RAD51B: variants seen among roughly 807,000 people sequenced by gnomAD.
The protein encoded by RAD51B is RAD51 paralog B.
Under a neutral mutation model 42.2 loss-of-function variants are expected in RAD51B, and 38 were observed. The observed-to-expected ratio is 0.90, with a 90% CI of 0.70 to 1.18. RAD51B has a LOEUF of 1.18. RAD51B is among the 50% of genes most tolerant of loss of function. The pLI is 0.00. For missense variants in RAD51B, 373 were observed against 400.7 expected (o/e 0.93, Z 0.59); for synonymous variants, 154 against 145.2 (o/e 1.06, Z -0.43).
intron 10 of RAD51B, among the ~76,000 whole-genome samples, chr14:68,648,174 C>T (rs1301815860): frequency 4.2e-5 from 5 of 117,914 alleles, no homozygotes; most frequent in East Asian, 2.2e-4. Flanking sequence ...TATATACACA[C>T]GTATATATAT....
intron 10 of RAD51B, among the ~76,000 whole-genome samples, chr14:68,573,701 G>A (rs1889822588): frequency 6.6e-6 from 1 of 152,200 alleles, no homozygotes; most frequent in Non-Finnish European, 1.5e-5. Flanking sequence ...GCAGGTCTTT[G>A]TTAAATGAGT....
chr14:68,176,559 A>G (rs17105085), intron 7 of RAD51B, among the ~76,000 whole-genome samples: 1 of 152,146 alleles, frequency 6.6e-6, no homozygotes, highest in Non-Finnish European at 1.5e-5. Flanking sequence ...GAGGATCATG[A>G]TGTCTGTCAC....
intron 10 of RAD51B, among the ~76,000 whole-genome samples, chr14:68,608,568 G>A (rs77712522): frequency 8.7e-4 from 132 of 152,290 alleles, no homozygotes; most frequent in Admixed American, 6.1e-3. Context: ...GGTAGCTGGC[G>A]GCTGCAGAGT....
At chr14:67,991,643 T>C (rs1392788405) in intron 7 of RAD51B, among the ~76,000 whole-genome samples, 3 of 152,224 alleles carry the variant, frequency 2.0e-5, no homozygotes, top group Non-Finnish European at 4.4e-5. Context: ...ACCTTCATTA[T>C]ATATATCAAC....
intron 10 of RAD51B, among the ~76,000 whole-genome samples, chr14:68,606,869 G>T (rs920663114): frequency 6.6e-6 from 1 of 152,144 alleles, no homozygotes; most frequent in Non-Finnish European, 1.5e-5. Context: ...TTACTTCTCT[G>T]TGTCAGTTTT....
chr14:68,091,733 T>C (rs929916754), intron 7 of RAD51B, among the ~76,000 whole-genome samples: 12 of 152,242 alleles, frequency 7.9e-5, no homozygotes, highest in Admixed American at 3.9e-4. Context: ...TTGGCTTTTG[T>C]GGCCATTGCT....
At chr14:67,968,466 C>A (rs1264723493) in intron 7 of RAD51B, among the ~76,000 whole-genome samples, 1 of 152,164 alleles carries the variant, frequency 6.6e-6, no homozygotes, top group Admixed American at 6.5e-5. Context: ...TAACAGCACC[C>A]AAGTCACCTT....
At chr14:68,288,606 T>G (rs2139651144) in intron 7 of RAD51B, among the ~76,000 whole-genome samples, 1 of 152,328 alleles carries the variant, frequency 6.6e-6, no homozygotes. Context: ...CAGGTTTCCA[T>G]TACAGAACCA....
intron 7 of RAD51B, among the ~76,000 whole-genome samples, chr14:68,162,264 A>G (rs1314859190): frequency 6.6e-6 from 1 of 152,240 alleles, no homozygotes; most frequent in Non-Finnish European, 1.5e-5. Context: ...AAATTGCAAT[A>G]GAACGTAAAT....
intron 3 of RAD51B, among the ~76,000 whole-genome samples, chr14:67,829,984 G>A (rs140860165): frequency 6.6e-6 from 1 of 152,312 alleles, no homozygotes; most frequent in African/African-American, 2.4e-5. Flanking sequence ...GAATAGGTGA[G>A]AGATAGGCAA....
chr14:68,172,809 A>T (rs968290010), intron 7 of RAD51B, among the ~76,000 whole-genome samples: 10 of 152,218 alleles, frequency 6.6e-5, no homozygotes, highest in Admixed American at 1.3e-4. Context: ...GAGAAATAAG[A>T]CACTTAATCC....
intron 7 of RAD51B, among the ~76,000 whole-genome samples, chr14:68,088,029 A>T (rs1306015958): frequency 7.4e-6 from 1 of 134,916 alleles, no homozygotes; most frequent in Non-Finnish European, 1.5e-5. Flanking sequence ...ATTATATATA[A>T]TTATATAATT....
chr14:68,203,152 T>C (rs1290897293), intron 7 of RAD51B, among the ~76,000 whole-genome samples: 1 of 152,196 alleles, frequency 6.6e-6, no homozygotes. Context: ...TCCCAATTTA[T>C]ATATTTTGTG....
chr14:68,266,823 C>G (rs898741026), intron 7 of RAD51B, among the ~76,000 whole-genome samples: 1 of 152,202 alleles, frequency 6.6e-6, no homozygotes, highest in Non-Finnish European at 1.5e-5. Flanking sequence ...ACCAACCTTA[C>G]AAGGCTGTGC....
intron 8 of RAD51B, among the ~76,000 whole-genome samples, chr14:68,311,326 T>A (rs1034065843): frequency 6.6e-5 from 10 of 152,138 alleles, no homozygotes; most frequent in African/African-American, 2.4e-4. Context: ...TTTAAAAAAT[T>A]TTCAGGAAAT....
At chr14:68,193,304 C>G (rs1361996177) in intron 7 of RAD51B, among the ~76,000 whole-genome samples, 1 of 152,166 alleles carries the variant, frequency 6.6e-6, no homozygotes, top group Admixed American at 6.6e-5. Context: ...AAATGTTGCT[C>G]TTTGTACCAC....
At chr14:68,063,807 T>A (rs1314322879) in intron 7 of RAD51B, among the ~76,000 whole-genome samples, 1 of 152,224 alleles carries the variant, frequency 6.6e-6, no homozygotes, top group Non-Finnish European at 1.5e-5. Context: ...GGATCTTGTT[T>A]TATTATACAT....
chr14:68,616,343 T>A (rs1891826610), downstream of RAD51B, among the ~76,000 whole-genome samples: 1 of 152,188 alleles, frequency 6.6e-6, no homozygotes, highest in Non-Finnish European at 1.5e-5. Context: ...TCTCAAAAAG[T>A]CTTCATTATA....
At chr14:67,899,596 G>A (rs987897101) in intron 7 of RAD51B, among the ~76,000 whole-genome samples, 3 of 152,078 alleles carry the variant, frequency 2.0e-5, no homozygotes, top group Non-Finnish European at 2.9e-5. Flanking sequence ...TAAGATCAGG[G>A]TCCTTATTTA....
Sources: gnomAD v4.1 joint callset for allele counts (sites outside exome capture counted in the v4.1 genomes callset) on GRCh38, gnomAD v4.1.1 for gene constraint, MANE v1.5 for transcripts, NCBI Gene and HGNC (gene_info 2026-07-23, HGNC 2026-07-21) for gene names.